MGAT4C: variants seen among roughly 807,000 people sequenced by gnomAD.
MGAT4C encodes the protein MGAT4 family member C.
Under a neutral mutation model 40.1 loss-of-function variants are expected in MGAT4C, and 19 were observed. That is an observed-to-expected ratio of 0.47 (90% confidence interval 0.33 to 0.70). The LOEUF (loss-of-function observed/expected upper bound fraction) is 0.70. MGAT4C is among the 30% of genes least tolerant of loss of function. The pLI is 0.02. For missense variants in MGAT4C, 491 were observed against 563.2 expected (o/e 0.87, Z 1.30); for synonymous variants, 181 against 187.1 (o/e 0.97, Z 0.27).
chr12:86,400,356 T>C (rs751319081), intron 3 of MGAT4C, among the ~76,000 whole-genome samples: 5 of 152,244 alleles, frequency 3.3e-5, no homozygotes, highest in Non-Finnish European at 7.3e-5. Context: ...AAATAAAGAC[T>C]GTATTACCCA....
intron 1 of MGAT4C, among the ~76,000 whole-genome samples, chr12:86,117,527 G>A: frequency 6.6e-6 from 1 of 152,128 alleles, no homozygotes; most frequent in East Asian, 1.9e-4. Context: ...GTTAAGGATA[G>A]AGTCAGAAAA....
chr12:86,593,225 C>A (rs957975119), intron 2 of MGAT4C, among the ~76,000 whole-genome samples: 1 of 151,540 alleles, frequency 6.6e-6, no homozygotes, highest in Non-Finnish European at 1.5e-5. Flanking sequence ...AAGTTCAGAG[C>A]AATGTCCCTT....
intron 4 of MGAT4C, among the ~76,000 whole-genome samples, chr12:86,328,970 G>A (rs1007880114): frequency 6.6e-6 from 1 of 151,894 alleles, no homozygotes; most frequent in Non-Finnish European, 1.5e-5. Flanking sequence ...TGGTGTGGTG[G>A]TGGGTGCCTG....
intron 1 of MGAT4C, among the ~76,000 whole-genome samples, chr12:86,738,059 A>T (rs965906288): frequency 6.6e-6 from 1 of 151,498 alleles, no homozygotes; most frequent in Non-Finnish European, 1.5e-5. Flanking sequence ...ATGCTAGGGC[A>T]TTCTATTTGT....
In MGAT4C at chr12:86,692,470, A is replaced by G. The variant is rs113596550; in HGVS notation, c.-229+34739T>C. Among the ~76,000 whole-genome samples the G allele has an allele frequency of 3.4e-3, 524 of 152,328 alleles. 1 individual carries two copies. The highest frequency in any genetic ancestry group is 0.012 in the African/African-American group (502 of 41,584). Reference sequence around the variant, plus strand: ...TAACACATAAATAAATGGAAAATGTAAACTCAAAGACTCAATTTTGTAAAG... The same window carrying G: ...TAACACATAAATAAATGGAAAATGTGAACTCAAAGACTCAATTTTGTAAAG... On this transcript the variant is annotated intron_variant, in intron 2 of 7. Transcript: ENST00000548651.
intron 2 of MGAT4C, among the ~76,000 whole-genome samples, chr12:86,535,571 A>C (rs1425521230): frequency 6.6e-6 from 1 of 152,094 alleles, no homozygotes; most frequent in African/African-American, 2.4e-5. Flanking sequence ...CATAACAGCT[A>C]AGGTACTTTT....
intron 1 of MGAT4C, among the ~76,000 whole-genome samples, chr12:86,807,033 A>G (rs1173230981): frequency 6.6e-5 from 10 of 151,604 alleles, no homozygotes; most frequent in African/African-American, 2.4e-4. Flanking sequence ...ATAAAAAATA[A>G]ATAAATAAAT....
intron 2 of MGAT4C, among the ~76,000 whole-genome samples, chr12:86,444,328 A>C (rs1957294117): frequency 6.6e-6 from 1 of 152,108 alleles, no homozygotes; most frequent in African/African-American, 2.4e-5. Context: ...TCCTCTGAAT[A>C]ATATGTTTGG....
chr12:86,201,621 G>A (rs1950053791), intron 1 of MGAT4C, among the ~76,000 whole-genome samples: 1 of 151,410 alleles, frequency 6.6e-6, no homozygotes, highest in Non-Finnish European at 1.5e-5. Flanking sequence ...ATTTATGGTT[G>A]CTTTTAGTGT....
chr12:86,555,214 A>G (rs1959549918), intron 2 of MGAT4C, among the ~76,000 whole-genome samples: 1 of 152,072 alleles, frequency 6.6e-6, no homozygotes, highest in Non-Finnish European at 1.5e-5. Flanking sequence ...TTCACAGTTC[A>G]GGAGACTGGA....
chr12:86,663,952 A>G (rs1964040170), intron 2 of MGAT4C, among the ~76,000 whole-genome samples: 1 of 152,132 alleles, frequency 6.6e-6, no homozygotes, highest in South Asian at 2.1e-4. Context: ...GAGTTTCTGT[A>G]TTTCTTTTAA....
chr12:86,651,122 T>C (rs1448141942), intron 2 of MGAT4C, among the ~76,000 whole-genome samples: 1 of 151,918 alleles, frequency 6.6e-6, no homozygotes, highest in East Asian at 1.9e-4. Flanking sequence ...TCTAATTATA[T>C]GTAATAAGAT....
rs12300014 is a variant in MGAT4C at position 86,815,831 on chromosome 12, T to C, written c.-262+22835A>G. On this transcript the variant is annotated intron_variant, in intron 1 of 7. Coordinates refer to the MGAT4C transcript ENST00000548651. ...TATGAGGACACAAAGGCAAGAATGA[T>C]ACAATGGACTTGGGGGGAAGAGTGG... is the stretch of plus-strand genomic sequence containing the variant. Among the ~76,000 whole-genome samples the C allele has an allele frequency of 2.7e-3, 337 of 126,426 alleles. 2 individuals carry two copies. The highest frequency in any genetic ancestry group is 9.7e-3 in the African/African-American group (325 of 33,360). The allele number at this position is 126,426 out of a possible 152,430, so 82.9% of individuals were successfully genotyped here.
chr12:86,248,031 T>A (rs1952105844), intron 1 of MGAT4C, among the ~76,000 whole-genome samples: 1 of 152,158 alleles, frequency 6.6e-6, no homozygotes, highest in Admixed American at 6.5e-5. Context: ...AAAGGCTCTT[T>A]GATTCTGAGT....
chr12:86,463,070 C>A, intron 2 of MGAT4C, among the ~76,000 whole-genome samples: 1 of 152,154 alleles, frequency 6.6e-6, no homozygotes, highest in East Asian at 1.9e-4. Context: ...TCTGAGCCTT[C>A]AATTCTGGCA....
At chr12:86,628,157 T>C (rs967986709) in intron 2 of MGAT4C, among the ~76,000 whole-genome samples, 1 of 151,948 alleles carries the variant, frequency 6.6e-6, no homozygotes, top group Non-Finnish European at 1.5e-5. Flanking sequence ...TGATTGAAGA[T>C]CAAATGAATG....
At chr12:85,983,165 T>C (rs1200873014) in intron 4 of MGAT4C, among the ~76,000 whole-genome samples, 1 of 152,202 alleles carries the variant, frequency 6.6e-6, no homozygotes, top group Non-Finnish European at 1.5e-5. Flanking sequence ...TGGCAAGTCA[T>C]AAAACCAAAC....
chr12:86,656,198 G>A (rs1367716722), intron 2 of MGAT4C, among the ~76,000 whole-genome samples: 1 of 151,540 alleles, frequency 6.6e-6, no homozygotes, highest in Non-Finnish European at 1.5e-5. Flanking sequence ...ATCTTTCCGT[G>A]GTAAATCATA....
chr12:86,439,074 A>G (rs2136276290), intron 2 of MGAT4C, among the ~76,000 whole-genome samples: 1 of 152,130 alleles, frequency 6.6e-6, no homozygotes, highest in South Asian at 2.1e-4. Flanking sequence ...TCGTTGAGGC[A>G]GAAAGTCAAC....
Sources: gnomAD v4.1 joint callset for allele counts (sites outside exome capture counted in the v4.1 genomes callset) on GRCh38, gnomAD v4.1.1 for gene constraint, MANE v1.5 for transcripts, NCBI Gene and HGNC (gene_info 2026-07-23, HGNC 2026-07-21) for gene names.